The following PIP5K1B variants were observed in gnomAD, a reference collection of about 807,000 sequenced individuals.
The protein encoded by PIP5K1B is phosphatidylinositol-4-phosphate 5-kinase type 1 beta, also known as phosphatidylinositol 4-phosphate 5-kinase type-1 beta.
Under a neutral mutation model 67.0 loss-of-function variants are expected in PIP5K1B, and 42 were observed. The ratio of observed to expected loss-of-function variants is 0.63; its 90% confidence interval spans 0.49 to 0.81. The LOEUF (loss-of-function observed/expected upper bound fraction) is 0.81. PIP5K1B is among the 30% of genes least tolerant of loss of function. PIP5K1B has a pLI of 0.00. For missense variants in PIP5K1B, 459 were observed against 646.3 expected (o/e 0.71, Z 3.14); for synonymous variants, 214 against 231.4 (o/e 0.92, Z 0.68).
At chr9:68,945,391 C>G (rs779660508) in intron 14 of PIP5K1B, among the ~76,000 whole-genome samples, 22 of 152,128 alleles carry the variant, frequency 1.4e-4, no homozygotes, top group Non-Finnish European at 3.1e-4. Flanking sequence ...AGTGATCCAC[C>G]CTGCTCAGCC....
At chr9:68,715,740 G>T (rs964589623) in intron 1 of PIP5K1B, among the ~76,000 whole-genome samples, 2 of 152,014 alleles carry the variant, frequency 1.3e-5, no homozygotes, top group African/African-American at 4.8e-5. Context: ...AATCCTTTTC[G>T]TAAATTCCCA....
chr9:68,895,395 G>A (rs1041888554), intron 8 of PIP5K1B, among the ~76,000 whole-genome samples: 2 of 151,970 alleles, frequency 1.3e-5, no homozygotes, highest in Middle Eastern at 3.2e-3. Context: ...TGGGAGAACC[G>A]TCCAGCCACT....
intron 2 of PIP5K1B, among the ~76,000 whole-genome samples, chr9:68,747,665 T>TAAA (rs1400437942): frequency 6.6e-6 from 1 of 152,196 alleles, no homozygotes; most frequent in Admixed American, 6.5e-5. Context: ...TTACTTTAGT[T>TAAA]AAAAAATCAG....
chr9:68,780,082 G>GTATCATTAAAA, intron 2 of PIP5K1B: 2 of 1,334,334 alleles, frequency 1.5e-6, no homozygotes, highest in South Asian at 4.7e-5. Context: ...CGGTGGCGGC[G>GTATCATTAAAA]GCAGCGGCGG....
At chr9:68,996,973 C>T (rs980707189) in intron 15 of PIP5K1B, among the ~76,000 whole-genome samples, 4 of 152,196 alleles carry the variant, frequency 2.6e-5, no homozygotes, top group African/African-American at 9.7e-5. Flanking sequence ...TGCAAAATGG[C>T]TGTTTGAAAT....
chr9:68,821,505 G>A (rs1279680925), intron 3 of PIP5K1B, among the ~76,000 whole-genome samples: 2 of 151,766 alleles, frequency 1.3e-5, no homozygotes, highest in African/African-American at 4.9e-5. Context: ...TTTCACAGAT[G>A]CAAATTAAAA....
chr9:68,708,980 G>C (rs943215641), intron 1 of PIP5K1B, among the ~76,000 whole-genome samples: 1 of 152,116 alleles, frequency 6.6e-6, no homozygotes, highest in African/African-American at 2.4e-5. Context: ...TAGGTGAATT[G>C]ACTTACTTAT....
chr9:68,864,614 T>C (rs567695259), intron 5 of PIP5K1B, among the ~76,000 whole-genome samples: 1 of 152,328 alleles, frequency 6.6e-6, no homozygotes, highest in African/African-American at 2.4e-5. Context: ...AACTGTACAC[T>C]TAAAAGTGGC....
chr9:68,916,877 T>TAAA (rs112889490), intron 8 of PIP5K1B, among the ~76,000 whole-genome samples: 4 of 141,960 alleles, frequency 2.8e-5, no homozygotes, highest in African/African-American at 7.9e-5. Context: ...GTCTCAAAAA[T>TAAA]AAAAAAAAAA....
chr9:68,746,441 A>C (rs1262054726), intron 2 of PIP5K1B, among the ~76,000 whole-genome samples: 1 of 152,132 alleles, frequency 6.6e-6, no homozygotes, highest in South Asian at 2.1e-4. Context: ...TTTTCTGTTC[A>C]TCATCATCTC....
chr9:68,778,582 T>C (rs892385464), intron 2 of PIP5K1B, among the ~76,000 whole-genome samples: 1 of 152,236 alleles, frequency 6.6e-6, no homozygotes, highest in Non-Finnish European at 1.5e-5. Flanking sequence ...TTGACACTGC[T>C]ACAACCCTAG....
intron 13 of PIP5K1B, 128 bp downstream of exon 13, chr9:68,935,173 G>C (rs943431505): frequency 2.4e-6 from 2 of 816,550 alleles, no homozygotes; most frequent in Non-Finnish European, 3.8e-6. Context: ...GTTTTTAAAG[G>C]ATAGCTGCAG....
At chr9:68,931,875 C>G (rs1464529604) in intron 12 of PIP5K1B, among the ~76,000 whole-genome samples, 1 of 152,214 alleles carries the variant, frequency 6.6e-6, no homozygotes, top group Non-Finnish European at 1.5e-5. Flanking sequence ...CCCAAACCAG[C>G]TCTCAATGTT....
chr9:68,792,544 A>G (rs1832037375), intron 2 of PIP5K1B, among the ~76,000 whole-genome samples: 1 of 151,936 alleles, frequency 6.6e-6, no homozygotes, highest in Non-Finnish European at 1.5e-5. Flanking sequence ...CAGTGGCGCG[A>G]TCTCGGTTCA....
intron 14 of PIP5K1B, among the ~76,000 whole-genome samples, chr9:68,984,539 C>A (rs544744668): frequency 6.6e-6 from 1 of 152,158 alleles, no homozygotes. Flanking sequence ...TGTATAAATG[C>A]CTGATTATTC....
chr9:68,815,906 G>A (rs1284978911), intron 2 of PIP5K1B, among the ~76,000 whole-genome samples: 1 of 151,950 alleles, frequency 6.6e-6, no homozygotes, highest in Non-Finnish European at 1.5e-5. Context: ...AAAATATCCA[G>A]GAGTGAATTT....
chr9:68,765,095 C>T (rs1475654129), intron 2 of PIP5K1B, among the ~76,000 whole-genome samples: 1 of 151,958 alleles, frequency 6.6e-6, no homozygotes, highest in Non-Finnish European at 1.5e-5. Flanking sequence ...TTGTTCTTAA[C>T]TGTTTTTTTA....
intron 5 of PIP5K1B, among the ~76,000 whole-genome samples, chr9:68,864,217 G>A (rs1823250231): frequency 6.6e-6 from 1 of 152,214 alleles, no homozygotes; most frequent in Admixed American, 6.5e-5. Context: ...ATGAATGCCT[G>A]GAAGACCATA....
chr9:68,787,839 G>T (rs1434421178), intron 2 of PIP5K1B, among the ~76,000 whole-genome samples: 1 of 151,990 alleles, frequency 6.6e-6, no homozygotes, highest in Non-Finnish European at 1.5e-5. Flanking sequence ...CACCATGTTG[G>T]CCAGGCTGGT....
Sources: gnomAD v4.1 joint callset for allele counts (sites outside exome capture counted in the v4.1 genomes callset) on GRCh38, gnomAD v4.1.1 for gene constraint, MANE v1.5 for transcripts, NCBI Gene and HGNC (gene_info 2026-07-23, HGNC 2026-07-21) for gene names.